Variants in RTN1 observed in about 807,000 individuals in gnomAD.
The protein encoded by RTN1 is reticulon-1.
Under a neutral mutation model 65.5 loss-of-function variants are expected in RTN1, and 25 were observed. That is an observed-to-expected ratio of 0.38 (90% CI 0.28 to 0.53). RTN1 has a LOEUF of 0.53. Ranked by LOEUF, RTN1 falls within the 20% of genes least tolerant of loss-of-function variation. The pLI is 0.79. For synonymous variants in RTN1, 471 were observed against 447.6 expected (o/e 1.05, Z -0.66); for missense variants, 983 against 1,025.4 (o/e 0.96, Z 0.57).
At chr14:59,616,604 TTAA>T (rs961446502) in intron 3 of RTN1, among the ~76,000 whole-genome samples, 59 of 152,334 alleles carry the variant, frequency 3.9e-4, no homozygotes, top group African/African-American at 1.4e-3. Flanking sequence ...GTGTACATTA[TTAA>T]TAATTATAAT....
chr14:59,610,584 T>G (rs1881917138), intron 3 of RTN1, among the ~76,000 whole-genome samples: 1 of 152,218 alleles, frequency 6.6e-6, no homozygotes, highest in South Asian at 2.1e-4. Context: ...AACTAACTCT[T>G]GCTTCTAACC....
rs116410787 is a variant in RTN1 at position 59,605,827 on chromosome 14, C to T, written c.1974-321G>A. On this transcript the variant is annotated intron_variant, in intron 4 of 8. Coordinates refer to ENST00000267484, the MANE Select transcript of RTN1 (RefSeq NM_021136.3). Reference sequence around the variant, plus strand: ...AATTAGTGCCAAATCAGCTCATTTGCTGAATTCTCCACACATGACTTCATG... The same window carrying T: ...AATTAGTGCCAAATCAGCTCATTTGTTGAATTCTCCACACATGACTTCATG... 3.7e-3 allele frequency: 828 copies of T among 221,790 alleles called. 8 individuals carry two copies. The highest frequency in any genetic ancestry group is 0.018 in the African/African-American group (784 of 43,922). The allele number at this position is 221,790 out of a possible 1,614,324, so 13.7% of individuals were successfully genotyped here. A position where few individuals can be genotyped will look rare whatever the true frequency, so the allele number is the denominator to read the frequency against.
Position 59,749,312 on chromosome 14 carries a change from ATATATATC to A in RTN1, c.242-2839_242-2832del, listed in dbSNP as rs1451952806. Among the ~76,000 whole-genome samples, 48 of 53,664 alleles carry A rather than the reference ATATATATC, an allele frequency of 8.9e-4. 2 individuals carry two copies. The highest frequency in any genetic ancestry group is 4.9e-3 in the African/African-American group (42 of 8,508). The allele number at this position is 53,664 out of a possible 152,430, so 35.2% of individuals were successfully genotyped here. A position where few individuals can be genotyped will look rare whatever the true frequency, so the allele number is the denominator to read the frequency against. On this transcript the variant is annotated intron_variant, in intron 1 of 8. Coordinates refer to ENST00000267484, the MANE Select transcript of RTN1 (RefSeq NM_021136.3). Reference sequence around the variant, plus strand: ...TCTATATATATCTATATATATCTATATATATATCTATATATCTATATATATCTATATAT... The same window carrying A: ...TCTATATATATCTATATATATCTATATATATATCTATATATATCTATATAT...
intron 3 of RTN1, among the ~76,000 whole-genome samples, chr14:59,656,023 G>C (rs946166060): frequency 6.6e-6 from 1 of 152,110 alleles, no homozygotes; most frequent in Non-Finnish European, 1.5e-5. Context: ...AAAAAATGGA[G>C]TATATCCATA....
intron 3 of RTN1, among the ~76,000 whole-genome samples, chr14:59,652,223 A>G (rs1052507264): frequency 1.3e-5 from 2 of 152,222 alleles, no homozygotes; most frequent in Non-Finnish European, 2.9e-5. Flanking sequence ...ACATTTATAC[A>G]CTGTTGGTGG....
rs569261901 is a variant in RTN1 at position 59,676,696 on chromosome 14, C to A, written c.1765+50223G>T. On this transcript the variant is annotated intron_variant, in intron 3 of 8. Transcript: ENST00000267484. Reference sequence around the variant, plus strand: ...TCTTTAAAATAATTCAGTATACTCACTAAAAATAAAAATTTCTGGATCCAT... The same window carrying A: ...TCTTTAAAATAATTCAGTATACTCAATAAAAATAAAAATTTCTGGATCCAT... Among the ~76,000 whole-genome samples the A allele has an allele frequency of 7.4e-4, 113 of 152,240 alleles. 2 individuals carry two copies. The Middle Eastern group carries it at 0.02, about 27-fold the overall frequency.
intron 1 of RTN1, among the ~76,000 whole-genome samples, chr14:59,757,371 G>A (rs1280985331): frequency 1.3e-5 from 2 of 152,154 alleles, no homozygotes; most frequent in African/African-American, 2.4e-5. Flanking sequence ...TACGTTTCAT[G>A]AGATCTGATG....
chr14:59,696,253 G>C (rs921268199), intron 3 of RTN1, among the ~76,000 whole-genome samples: 1 of 152,180 alleles, frequency 6.6e-6, no homozygotes, highest in Non-Finnish European at 1.5e-5. Context: ...AAAAGCTGCA[G>C]GCTCATTGCT....
intron 1 of RTN1, among the ~76,000 whole-genome samples, chr14:59,837,748 A>T (rs1245188742): frequency 1.3e-5 from 2 of 151,696 alleles, no homozygotes; most frequent in African/African-American, 4.8e-5. Context: ...AATAATATCC[A>T]TTTTTTTTAG....
rs745478215 is a variant in RTN1 at position 59,746,472 on chromosome 14, C to T, written c.251G>A (p.Gly84Asp). Residue 84 changes from glycine to aspartate, a missense_variant, in exon 2 of 9, where the codon GGT becomes GAT. By Grantham distance (94) the Gly-to-Asp change is moderately conservative. Around this residue, in one of 2 missense-constraint regions of RTN1, gnomAD observed 818 missense variants for 801.8 expected, o/e 1.02. Transcript: ENST00000267484. The stretch of plus-strand genomic sequence containing the variant: ...GGTGTGGTCCATGGCACTGGAAACA[C>T]CTGCCACACCTATGAATCAAAGCAG... ...AMETASTGVA[G>D]VSSAMDHTFS... 7 of 1,579,874 alleles carry T rather than the reference C, an allele frequency of 4.4e-6. No homozygotes were observed. Among genetic ancestry groups the T allele is most frequent in the South Asian group, 2.4e-5 (2 of 84,100 alleles).
chr14:59,826,784 C>A (rs576372248), intron 1 of RTN1, among the ~76,000 whole-genome samples: 1 of 152,088 alleles, frequency 6.6e-6, no homozygotes, highest in East Asian at 1.9e-4. Flanking sequence ...TCTAGGATAT[C>A]ATGGAAAAAA....
rs530248194 is a variant in RTN1, at chr14:59,712,855, G to A, written c.1765+14064C>T. 2.0e-5 allele frequency among the ~76,000 whole-genome samples: 3 copies of A among 148,726 alleles called. No individual in the cohort carries two copies. In the South Asian group the frequency reaches 6.4e-4, roughly 32 times the overall value. On this transcript the variant is annotated intron_variant, in intron 3 of 8. Coordinates refer to ENST00000267484, the MANE Select transcript of RTN1 (RefSeq NM_021136.3). ...GAACCTGGGAGGTGGAGGTTACAGT[G>A]AGCTGAAATCACTCCCATTGCACTC...
At chr14:59,787,907 C>A (rs911434292) in intron 1 of RTN1, among the ~76,000 whole-genome samples, 1 of 152,132 alleles carries the variant, frequency 6.6e-6, no homozygotes, top group African/African-American at 2.4e-5. Flanking sequence ...TAGCCTAAAT[C>A]GATTTCTATA....
intron 1 of RTN1, among the ~76,000 whole-genome samples, chr14:59,814,270 G>A (rs1396552997): frequency 1.3e-5 from 2 of 152,178 alleles, no homozygotes; most frequent in Non-Finnish European, 2.9e-5. Flanking sequence ...ATGGTCAAGA[G>A]CAGGAAGGCT....
chr14:59,607,329 A>T lies in RTN1; in HGVS notation c.1929T>A (p.Ser643=). 6.2e-7 allele frequency: 1 copy of T among 1,613,886 alleles called. No homozygotes were observed. ...CGGTTTTCTGCACTGCTTGTAAAAC[A>T]GACTTGTAGATGCGGAAACTGATGG... The part of the protein sequence containing the change: ...SATISFRIYK[S]VLQAVQKTDE... Residue 643 remains serine (S), a synonymous_variant, in exon 4 of 9, where the codon TCT becomes TCA. Transcript: ENST00000267484.
In RTN1 at chr14:59,846,395, T is replaced by TG. The variant is rs1483346620; in HGVS notation, c.241+23994_241+23995insC. Among the ~76,000 whole-genome samples the TG allele has an allele frequency of 9.2e-5, 14 of 152,086 alleles. No homozygotes were observed. Among genetic ancestry groups the TG allele is most frequent in the Non-Finnish European group, 2.1e-4 (14 of 68,008 alleles). The stretch of plus-strand genomic sequence containing the variant: ...TATCTGTGCAGCCACAGCCCATGGA[T>TG]CAGAGTTGATGTATGCACACGTGTG... On this transcript the variant is annotated intron_variant, in intron 1 of 8. Transcript: ENST00000267484. The surrounding 1 kb of genome is among the most constrained non-coding windows in gnomAD (Gnocchi z 4.8).
rs73302039 is a variant in RTN1, at chr14:59,790,187, C to T, written c.242-43706G>A. 7.8e-3 allele frequency among the ~76,000 whole-genome samples: 1,187 copies of T among 151,954 alleles called. 18 individuals are homozygous for T. Among genetic ancestry groups the T allele is most frequent in the African/African-American group, 0.027 (1,115 of 41,484 alleles). ...CCAAGTTCAAATAACAGAGTCTAGT[C>T]GTGTGTCTTGGGAGATTTTAACTAG... is the stretch of plus-strand genomic sequence containing the variant. On this transcript the variant is annotated intron_variant, in intron 1 of 8. Transcript: ENST00000267484. The surrounding 1 kb of genome is among the most constrained non-coding windows in gnomAD (Gnocchi z 4.1).
intron 3 of RTN1, among the ~76,000 whole-genome samples, chr14:59,688,751 G>A (rs75809856): frequency 2.6e-5 from 4 of 152,070 alleles, no homozygotes; most frequent in Non-Finnish European, 5.9e-5. Flanking sequence ...CTCCAGGGAG[G>A]GGGTGAAAGG....
rs1345665820 is a variant in RTN1, at chr14:59,606,125, T to TATATATATATATATATATATATAA, written c.1974-620_1974-619insTTATATATATATATATATATATAT. On this transcript the variant is annotated intron_variant, in intron 4 of 8. Coordinates refer to ENST00000267484, the MANE Select transcript of RTN1 (RefSeq NM_021136.3). ...CATGATATATATATATATATATATA[T>TATATATATATATATATATATATAA]ATCATACCAGCTTAAGCCTCCTCTG... The TATATATATATATATATATATATAA allele has an allele frequency of 5.7e-4, 64 of 111,464 alleles. 5 individuals carry two copies. Among genetic ancestry groups the TATATATATATATATATATATATAA allele is most frequent in the African/African-American group, 2.4e-3 (63 of 26,062 alleles). 6.9% of individuals were successfully genotyped at this position (111,464 alleles called of 1,614,324 possible). A position where few individuals can be genotyped will look rare whatever the true frequency, so the allele number is the denominator to read the frequency against.
Sources: gnomAD v4.1 joint callset for allele counts (sites outside exome capture counted in the v4.1 genomes callset) on GRCh38, gnomAD v4.1.1 for gene constraint, gnomAD v4.1.1 regional missense constraint, Gnocchi (gnomAD v3.1) non-coding constraint, MANE v1.5 for transcripts, NCBI Gene and HGNC (gene_info 2026-07-23, HGNC 2026-07-21) for gene names.